KIF5C: variants seen among roughly 807,000 people sequenced by gnomAD.
KIF5C encodes the protein kinesin family member 5C.
A neutral mutation model predicts 125.2 loss-of-function variants in KIF5C; 18 were observed. The ratio of observed to expected loss-of-function variants is 0.14; its 90% CI spans 0.10 to 0.21. The LOEUF is 0.21. Ranked by LOEUF, KIF5C falls within the 10% of genes least tolerant of loss-of-function variation. KIF5C has a pLI of 1.00. For missense variants in KIF5C, 780 were observed against 1,183.8 expected (o/e 0.66, Z 5.01); for synonymous variants, 405 against 434.0 (o/e 0.93, Z 0.83).
chr2:148,949,699 T>A, intron 8 of KIF5C, 140 bp from the exon 9 acceptor site: 1 of 1,221,200 alleles, frequency 8.2e-7, no homozygotes, highest in Non-Finnish European at 1.1e-6. Flanking sequence ...GATGGTTTTT[T>A]ATCACTGTGG....
chr2:149,023,457 T>C lies in KIF5C; in HGVS notation c.*387T>C, dbSNP rs1682595368. On this transcript the variant is annotated 3_prime_UTR_variant, in exon 26 of 26. Transcript: ENST00000435030. ...AACCAAGTGCCGTGGAGGCAGATGA[T>C]CATGGTCTGCCTCAACTGTCTGGTT... is the stretch of plus-strand genomic sequence containing the variant. 5 of 152,754 alleles carry C rather than the reference T, an allele frequency of 3.3e-5. No individual in the cohort carries two copies. The South Asian group carries it at 1.0e-3, about 32-fold the overall frequency. The allele number at this position is 152,754 out of a possible 1,614,324, so 9.5% of individuals were successfully genotyped here.
Position 148,906,406 on chromosome 2 carries a change from G to C in KIF5C, c.127-15731G>C, listed in dbSNP as rs142362807. Among the ~76,000 whole-genome samples the C allele has an allele frequency of 2.9e-3, 442 of 152,232 alleles. 5 individuals carry two copies. Among genetic ancestry groups the C allele is most frequent in the African/African-American group, 9.4e-3 (390 of 41,538 alleles). On this transcript the variant is annotated intron_variant, in intron 1 of 25. Transcript: ENST00000435030. ...AAGTAACTGATGTGCTTTACTGGAG[G>C]AAAGGCTTGGAGCTCAGGGCCTGAC... is the stretch of plus-strand genomic sequence containing the variant.
intron 11 of KIF5C, among the ~76,000 whole-genome samples, chr2:148,969,422 A>AGTGTGTGTGTGTGTGTGT (rs151238332): frequency 2.8e-4 from 40 of 141,372 alleles, no homozygotes; most frequent in East Asian, 1.3e-3. Context: ...GAAGGTTTCC[A>AGTGTGTGTGTGTGTGTGT]GTGTGTGTGT....
intron 1 of KIF5C, among the ~76,000 whole-genome samples, chr2:148,916,674 A>G (rs567974004): frequency 1.3e-5 from 2 of 152,170 alleles, no homozygotes; most frequent in South Asian, 4.2e-4. Context: ...CACTGACCAC[A>G]TCTTGAGCAA....
At chr2:148,922,365 C>T (rs907207307) in intron 2 of KIF5C, 138 bp downstream of exon 2, 12 of 551,562 alleles carry the variant, frequency 2.2e-5, no homozygotes, top group Middle Eastern at 5.6e-4. Context: ...TCTATAGCCT[C>T]GGTTCTAGCC....
intron 21 of KIF5C, 97 bp downstream of exon 21, chr2:149,000,879 C>T: frequency 6.4e-7 from 1 of 1,568,754 alleles, no homozygotes; most frequent in Non-Finnish European, 8.6e-7. Context: ...GCACACCTTT[C>T]TGTGTAATGT....
intron 1 of KIF5C, among the ~76,000 whole-genome samples, chr2:148,921,685 G>T (rs781189824): frequency 6.6e-6 from 1 of 152,126 alleles, no homozygotes; most frequent in African/African-American, 2.4e-5. Context: ...CATTCCCTCT[G>T]TCCCACTGTT....
chr2:148,908,349 C>T (rs1031773563), intron 1 of KIF5C, among the ~76,000 whole-genome samples: 5 of 152,198 alleles, frequency 3.3e-5, no homozygotes, highest in African/African-American at 1.2e-4. Context: ...TGATGGAGAA[C>T]AGCTCTCTCC....
intron 19 of KIF5C, chr2:148,998,771 G>A: frequency 2.9e-6 from 1 of 340,300 alleles, no homozygotes; most frequent in Non-Finnish European, 5.4e-6. Flanking sequence ...TCACATAGGT[G>A]ATTCCGCTGG....
chr2:148,882,561 C>A (rs1224837243), intron 1 of KIF5C, among the ~76,000 whole-genome samples: 2 of 152,150 alleles, frequency 1.3e-5, no homozygotes, highest in East Asian at 1.9e-4. Context: ...CTTCTGTTCC[C>A]CCTCAAGAAG....
chr2:148,996,555 C>T (rs7569450), intron 17 of KIF5C, among the ~76,000 whole-genome samples: 2,416 of 152,292 alleles, frequency 0.016, 63 homozygotes, highest in African/African-American at 0.055. Flanking sequence ...ATGTCACTGT[C>T]GTAAAGCACT....
rs77046365 is a variant in KIF5C, at chr2:148,940,613, C to A, written c.397-997C>A. 7.5e-3 allele frequency among the ~76,000 whole-genome samples: 1,142 copies of A among 152,324 alleles called. 17 individuals are homozygous for A. The highest frequency in any genetic ancestry group is 0.025 in the African/African-American group (1,056 of 41,568). On this transcript the variant is annotated intron_variant, in intron 4 of 25. Transcript: ENST00000435030. The stretch of plus-strand genomic sequence containing the variant: ...TTTTACCTGAGTAGTCACATCCCAG[C>A]TTTACAACTTTACAACTGTTTTCCT...
chr2:148,941,463 A>G, intron 4 of KIF5C, 147 bp from the exon 5 acceptor site: 1 of 1,094,138 alleles, frequency 9.1e-7, no homozygotes, highest in Non-Finnish European at 1.3e-6. Flanking sequence ...ATCCCAGTAG[A>G]GCTGGCCAGA....
At chr2:148,935,783 TC>T (rs1485619146) in intron 3 of KIF5C, among the ~76,000 whole-genome samples, 1 of 152,230 alleles carries the variant, frequency 6.6e-6, no homozygotes, top group East Asian at 1.9e-4. Flanking sequence ...ACTTTATATA[TC>T]CTATTTAACT....
intron 12 of KIF5C, among the ~76,000 whole-genome samples, chr2:148,974,333 G>A (rs1273746826): frequency 6.6e-6 from 1 of 152,220 alleles, no homozygotes; most frequent in East Asian, 1.9e-4. Flanking sequence ...AGAGTGCTTA[G>A]GGACACCTCT....
rs1263132230 is a variant in KIF5C, at chr2:149,024,777, A to T, written c.*1707A>T. On this transcript the variant is annotated 3_prime_UTR_variant, in exon 26 of 26. Coordinates refer to ENST00000435030, the MANE Select transcript of KIF5C (RefSeq NM_004522.3). ...AGATGGCAATTTTGCATTTGTTTAA[A>T]TTTTTTTCATTCTTTAATTTTGTTA... 6.6e-6 allele frequency: 1 copy of T among 152,404 alleles called. No homozygotes were observed. Among genetic ancestry groups the T allele is most frequent in the Non-Finnish European group, 1.5e-5 (1 of 67,990 alleles). The allele number at this position is 152,404 out of a possible 1,614,324, so 9.4% of individuals were successfully genotyped here.
At chr2:148,989,648 A>AT (rs971495417) in intron 15 of KIF5C, among the ~76,000 whole-genome samples, 34 of 151,344 alleles carry the variant, frequency 2.2e-4, no homozygotes, top group South Asian at 1.7e-3. Flanking sequence ...GCCAACATCT[A>AT]TTTTTTTTTA....
Position 149,026,308 on chromosome 2 carries a change from G to A in KIF5C, c.*3238G>A, listed in dbSNP as rs1263591484. 1 of 152,156 alleles carries A rather than the reference G, an allele frequency of 6.6e-6. No homozygotes were observed. Among genetic ancestry groups the A allele is most frequent in the African/African-American group, 2.4e-5 (1 of 41,440 alleles). The allele number at this position is 152,156 out of a possible 1,614,324, so 9.4% of individuals were successfully genotyped here. The stretch of plus-strand genomic sequence containing the variant: ...TTTTTAAACCAAGCATTGAATAATG[G>A]CTGGATAACTGCCGAAGTAAGCGCC... On this transcript the variant is annotated 3_prime_UTR_variant, in exon 26 of 26. Coordinates refer to ENST00000435030, the MANE Select transcript of KIF5C (RefSeq NM_004522.3).
chr2:148,904,140 G>A (rs1681009156), intron 1 of KIF5C, among the ~76,000 whole-genome samples: 2 of 152,332 alleles, frequency 1.3e-5, no homozygotes, highest in South Asian at 4.1e-4. Context: ...GAGGACACCA[G>A]TAATTATGTT....
Sources: gnomAD v4.1 joint callset for allele counts (sites outside exome capture counted in the v4.1 genomes callset) on GRCh38, gnomAD v4.1.1 for gene constraint, MANE v1.5 for transcripts, NCBI Gene and HGNC (gene_info 2026-07-23, HGNC 2026-07-21) for gene names.